EME2: variants seen among roughly 807,000 people sequenced by gnomAD.
The protein encoded by EME2 is structure-specific endonuclease subunit EME2.
Under a neutral mutation model 41.9 loss-of-function variants are expected in EME2, and 58 were observed. That is an observed-to-expected ratio of 1.38 (90% CI 1.12 to 1.72). EME2 has a LOEUF of 1.72. Ranked by LOEUF, EME2 falls within the 40% of genes most tolerant of loss-of-function variation. EME2 has a pLI of 0.00. For synonymous variants in EME2, 334 were observed against 239.3 expected (o/e 1.40, Z -3.65); for missense variants, 695 against 541.9 (o/e 1.28, Z -2.81).
chr16:1,776,415 A>C lies in EME2; in HGVS notation c.*177A>C. 1.7e-6 allele frequency: 1 copy of C among 600,370 alleles called. No homozygotes were observed. The highest frequency in any genetic ancestry group is 2.9e-6 in the Non-Finnish European group (1 of 349,356). The allele number at this position is 600,370 out of a possible 1,614,324, so 37.2% of individuals were successfully genotyped here. ...GCAGGGGAAGTTTTAGGTAGCTGGGAGAAGAGGGGCTTCTGGCTGGCAGAT... is the reference window on the plus strand; with the variant it reads ...GCAGGGGAAGTTTTAGGTAGCTGGGCGAAGAGGGGCTTCTGGCTGGCAGAT... On this transcript the variant is annotated 3_prime_UTR_variant, in exon 8 of 8. Transcript: ENST00000568449.
chr16:1,777,835 T>C lies in EME2; in HGVS notation c.*1597T>C, dbSNP rs1178432. On this transcript the variant is annotated 3_prime_UTR_variant, in exon 8 of 8. Transcript: ENST00000568449. ...TGATGGAGCCCTGGCCGAACCGCGA[T>C]GAGAAGCTGGTCTTGTCGCCCTTGT... 1,393,674 of 1,612,578 alleles carry C rather than the reference T, an allele frequency of 0.86. 604,410 individuals are homozygous for C. The highest frequency in any genetic ancestry group is 0.96 in the African/African-American group (71,976 of 75,026).
In EME2 at chr16:1,778,123, A is replaced by G; in HGVS notation, c.*1885A>G. The G allele has an allele frequency of 6.2e-7, 1 of 1,612,782 alleles. No individual in the cohort carries two copies. Among genetic ancestry groups the G allele is most frequent in the East Asian group, 2.2e-5 (1 of 44,870 alleles). On this transcript the variant is annotated 3_prime_UTR_variant, in exon 8 of 8. Transcript: ENST00000568449. ...GGTTCCCCAGAAGCACCCTGGGCCG[A>G]AGCAACTTACCATGTCGGTGCCGTA...
In EME2 at chr16:1,778,314, G is replaced by A. The variant is rs759526708; in HGVS notation, c.*2076G>A. 5.6e-6 allele frequency: 9 copies of A among 1,612,316 alleles called. No individual in the cohort carries two copies. The South Asian group carries it at 9.9e-5, about 18-fold the overall frequency. ...ACTTATTTAAGTCATCCCAGACCCA[G>A]TCGAAATCTGCAAGAGAGGCCCAGG... On this transcript the variant is annotated 3_prime_UTR_variant, in exon 8 of 8. Coordinates refer to ENST00000568449, the MANE Select transcript of EME2 (RefSeq NM_001257370.2).
At chr16:1,773,615 T>A in intron 1 of EME2, 90 bp from the exon 2 acceptor site, 1 of 1,539,214 alleles carries the variant, frequency 6.5e-7, no homozygotes, top group Non-Finnish European at 8.8e-7. Flanking sequence ...TTGTGCCGAA[T>A]GGAGACTCCC....
Position 1,781,545 on chromosome 16 carries a change from G to A in EME2, c.*5307G>A. ...CAAAGGAAGACTCACAGCACTCCCA[G>A]CCCTGAGCTTCCAGGCTGGGCCACG... On this transcript the variant is annotated 3_prime_UTR_variant, in exon 8 of 8. Transcript: ENST00000568449. The A allele has an allele frequency of 1.9e-6, 3 of 1,577,594 alleles. No homozygotes were observed. Among genetic ancestry groups the A allele is most frequent in the Non-Finnish European group, 2.6e-6 (3 of 1,160,504 alleles).
Position 1,776,328 on chromosome 16 carries a change from C to A in EME2, c.*90C>A. On this transcript the variant is annotated 3_prime_UTR_variant, in exon 8 of 8. Coordinates refer to ENST00000568449, the MANE Select transcript of EME2 (RefSeq NM_001257370.2). ...GGGAGGACCCCCAGCCACATGTGGA[C>A]CCTCAGCCTGGGTGGGTTCTCTGGC... is the stretch of plus-strand genomic sequence containing the variant. 1 of 1,382,984 alleles carries A rather than the reference C, an allele frequency of 7.2e-7. No individual in the cohort carries two copies. The highest frequency in any genetic ancestry group is 1.0e-6 in the Non-Finnish European group (1 of 994,278). The allele number at this position is 1,382,984 out of a possible 1,614,324, so 85.7% of individuals were successfully genotyped here. A position where few individuals can be genotyped will look rare whatever the true frequency, so the allele number is the denominator to read the frequency against.
In EME2 at chr16:1,778,615, G is replaced by A; in HGVS notation, c.*2377G>A. On this transcript the variant is annotated 3_prime_UTR_variant, in exon 8 of 8. Transcript: ENST00000568449. ...GGGTCGGAGTCCGAGTCGCTGTGCT[G>A]GGAGAGAAGGGCCGGCTGTTACTAC... The A allele has an allele frequency of 1.0e-5, 16 of 1,541,602 alleles. No homozygotes were observed. The highest frequency in any genetic ancestry group is 1.4e-5 in the African/African-American group (1 of 73,620).
In EME2 at chr16:1,780,089, ACAG is replaced by A. The variant is rs916910374; in HGVS notation, c.*3855_*3857del. 1 of 152,338 alleles carries A rather than the reference ACAG, an allele frequency of 6.6e-6. No homozygotes were observed. The highest frequency in any genetic ancestry group is 2.4e-5 in the African/African-American group (1 of 41,390). 9.4% of individuals were successfully genotyped at this position (152,338 alleles called of 1,614,324 possible). On this transcript the variant is annotated 3_prime_UTR_variant, in exon 8 of 8. Transcript: ENST00000568449. ...GGAACAGCAGCGCAGGGGAGCTGTG[ACAG>A]CAGAGAGCAGCACCAGGTCACACAA...
In EME2 at chr16:1,780,018, A is replaced by G. The variant is rs536523391; in HGVS notation, c.*3780A>G. Reference sequence around the variant, plus strand: ...GACCCACCGGGCTTAGGGAGTCCTCACTCAGAGGAGAGGAGCCCACCCCTC... The same window carrying G: ...GACCCACCGGGCTTAGGGAGTCCTCGCTCAGAGGAGAGGAGCCCACCCCTC... On this transcript the variant is annotated 3_prime_UTR_variant, in exon 8 of 8. Transcript: ENST00000568449. The G allele has an allele frequency of 6.6e-6, 1 of 152,358 alleles. No individual in the cohort carries two copies. The highest frequency in any genetic ancestry group is 2.4e-5 in the African/African-American group (1 of 41,550). 9.4% of individuals were successfully genotyped at this position (152,358 alleles called of 1,614,324 possible). A position where few individuals can be genotyped will look rare whatever the true frequency, so the allele number is the denominator to read the frequency against.
rs925616680 is a variant in EME2, at chr16:1,777,212, C to G, written c.*974C>G. ...AGCCTTGCGGCGGCTGCAACTCATGCTCAGGACCCAGCCCAGCTTGTTGTG... is the reference window on the plus strand; with the variant it reads ...AGCCTTGCGGCGGCTGCAACTCATGGTCAGGACCCAGCCCAGCTTGTTGTG... On this transcript the variant is annotated 3_prime_UTR_variant, in exon 8 of 8. Transcript: ENST00000568449. 1 of 1,610,612 alleles carries G rather than the reference C, an allele frequency of 6.2e-7. No individual in the cohort carries two copies. The highest frequency in any genetic ancestry group is 8.5e-7 in the Non-Finnish European group (1 of 1,179,856).
In EME2 at chr16:1,772,997, C is replaced by T. The variant is rs779312899; in HGVS notation, c.-231C>T. On this transcript the variant is annotated 5_prime_UTR_variant, in exon 1 of 8. Transcript: ENST00000568449. ...GCCGGCGTCCAGAGAACGGCCGCGT[C>T]AAGGTCTCGTAGTCCACCGCGTAGA... 2.7e-5 allele frequency: 39 copies of T among 1,455,302 alleles called. No homozygotes were observed. The African/African-American group carries it at 5.4e-4, about 20-fold the overall frequency. The allele number at this position is 1,455,302 out of a possible 1,614,324, so 90.1% of individuals were successfully genotyped here.
In EME2 at chr16:1,776,228, T is replaced by G; in HGVS notation, c.1130T>G (p.Leu377Arg). The change falls in exon 8 of 8, where the codon CTG (leucine) becomes CGG (arginine). Residue 377 changes from leucine to arginine, a missense_variant. Physicochemically the swap from Leu to Arg is moderately radical, Grantham distance 102. Transcript: ENST00000568449. Reference protein sequence around the residue: ...TTANPDLLLDLGS With the variant: ...TTANPDLLLDRGS ...GCCAACCCTGATCTCCTGCTGGACC[T>G]GGGCTCCTGACCACACGTGGGACCA... 3.7e-6 allele frequency: 6 copies of G among 1,612,488 alleles called. No individual in the cohort carries two copies. The highest frequency in any genetic ancestry group is 5.1e-6 in the Non-Finnish European group (6 of 1,179,910).
rs776426382 is a variant in EME2, at chr16:1,776,148, TC to T, written c.1054del (p.Arg352AlafsTer15). The part of the protein sequence containing the change: ...LPVPPSEGGR[P>X]RRVGPDLSRR... The stretch of plus-strand genomic sequence containing the variant: ...CTGTGCCGCCCAGTGAAGGCGGGCG[TC>T]CCCGCAGGGTGGGGCCTGACCTCTC... On this transcript the variant is annotated frameshift_variant, in exon 8 of 8. Coordinates refer to ENST00000568449, the MANE Select transcript of EME2 (RefSeq NM_001257370.2). LOFTEE classifies it low-confidence loss of function (END_TRUNC). 1.9e-6 allele frequency: 3 copies of T among 1,612,222 alleles called. No homozygotes were observed. Among genetic ancestry groups the T allele is most frequent in the Non-Finnish European group, 2.5e-6 (3 of 1,179,914 alleles).
At position 1,778,227 on chromosome 16, in the gene EME2, G is replaced by A. The variant is rs372948589; in HGVS notation, c.*1989G>A. The A allele has an allele frequency of 2.2e-5, 36 of 1,612,756 alleles. 1 individual carries two copies. The highest frequency in any genetic ancestry group is 1.6e-4 in the Middle Eastern group (1 of 6,078). On this transcript the variant is annotated 3_prime_UTR_variant, in exon 8 of 8. Transcript: ENST00000568449. ...TGGTGCCCCGGATGGCCGCTGTGCC[G>A]CAGCTGTACTCCATGTGGAAGCTGA...
rs774634562 is a variant in EME2 at position 1,775,394 on chromosome 16, C to A, written c.649C>A (p.Pro217Thr). 1.9e-6 allele frequency: 3 copies of A among 1,612,554 alleles called. No homozygotes were observed. The highest frequency in any genetic ancestry group is 2.5e-6 in the Non-Finnish European group (3 of 1,179,898). ...CGGTGCCGAGGTGGCCGTCAGCTGG[C>A]CGGAGGTGGAAGAGGTGAGGGCCTG... ...VAGAEVAVSW[P>T]EVEEALVLLQ... The change falls in exon 5 of 8, where the codon CCG becomes ACG. Residue 217 changes from proline to threonine, a missense_variant. Coordinates refer to ENST00000568449, the MANE Select transcript of EME2 (RefSeq NM_001257370.2).
chr16:1,773,306 C>T lies in EME2; in HGVS notation c.79C>T (p.Arg27Ter), dbSNP rs1481002831. Residue 27 changes from arginine to a stop codon, truncating the protein, a stop_gained, in exon 1 of 8, where the codon CGA (arginine) becomes TGA (stop). Transcript: ENST00000568449. LOFTEE classifies it high-confidence loss of function. ...GRGRGGSGQR[R>*]PPTWEISDSD... ...GGGACGGGGCGGGAGCGGTCAGCGG[C>T]GACCTCCAACCTGGGAGATCTCAGA... 2.7e-6 allele frequency: 4 copies of T among 1,494,312 alleles called. No individual in the cohort carries two copies. Among genetic ancestry groups the T allele is most frequent in the East Asian group, 2.6e-5 (1 of 38,794 alleles). The allele number at this position is 1,494,312 out of a possible 1,614,324, so 92.6% of individuals were successfully genotyped here. A position where few individuals can be genotyped will look rare whatever the true frequency, so the allele number is the denominator to read the frequency against.
rs375849155 is a variant in EME2, at chr16:1,775,002, C to A, written c.478-39C>A. 12 of 1,543,098 alleles carry A rather than the reference C, an allele frequency of 7.8e-6. No individual in the cohort carries two copies. The African/African-American group carries it at 1.5e-4, about 19-fold the overall frequency. On this transcript the variant is annotated intron_variant, in intron 3 of 7. Coordinates refer to ENST00000568449, the MANE Select transcript of EME2 (RefSeq NM_001257370.2). ...GGTGGCCCATGGCCATAGGCCGCAG[C>A]CTCCTGTGAACAACTGTGCCACACG...
chr16:1,777,847 C>G lies in EME2; in HGVS notation c.*1609C>G, dbSNP rs1222335660. The G allele has an allele frequency of 1.2e-6, 2 of 1,612,596 alleles. No individual in the cohort carries two copies. On this transcript the variant is annotated 3_prime_UTR_variant, in exon 8 of 8. Coordinates refer to ENST00000568449, the MANE Select transcript of EME2 (RefSeq NM_001257370.2). ...GGCCGAACCGCGATGAGAAGCTGGT[C>G]TTGTCGCCCTTGTGGTGGAGGAGGC...
Position 1,774,265 on chromosome 16 carries a change from T to C in EME2, c.390T>C (p.Pro130=), listed in dbSNP as rs2042676213. The change falls in exon 3 of 8, where the codon CCT becomes CCC. Residue 130 remains proline (P), a synonymous_variant. Transcript: ENST00000568449. ...GCGTCCCCATGTCCCCACAGCTGCC[T>C]CCTGAAGTGTGGGCTGCAGGTGAAC... ...ASPDPCPRSL[P]PEVWAAGEQE... is the part of the protein sequence containing the mutation. 1 of 1,612,478 alleles carries C rather than the reference T, an allele frequency of 6.2e-7. No individual in the cohort carries two copies. The highest frequency in any genetic ancestry group is 1.3e-5 in the African/African-American group (1 of 74,950).
Sources: allele counts gnomAD v4.1 joint callset, GRCh38; gene constraint gnomAD v4.1.1; transcripts MANE v1.5; gene names NCBI Gene and HGNC (gene_info 2026-07-23, HGNC 2026-07-21).